TWIST2: variants seen among roughly 807,000 people sequenced by gnomAD.
TWIST2 encodes twist-related protein 2.
A neutral mutation model predicts 11.6 loss-of-function variants in TWIST2; 1 was observed. The ratio of observed to expected loss-of-function variants is 0.09; its 90% CI spans 0.03 to 0.41. The LOEUF is 0.41. Among genes scored for constraint, TWIST2 ranks in the 10% least tolerant of loss-of-function variants. TWIST2 has a pLI of 0.98. For missense variants in TWIST2, 168 were observed against 226.4 expected, an observed-to-expected ratio of 0.74 and a Z score of 1.66; for synonymous variants, 87 against 96.6, an observed-to-expected ratio of 0.90 and a Z score of 0.58.
At chr2:238,898,322 TC>T (rs1693229169) in intron 1 of TWIST2, among the ~76,000 whole-genome samples, 1 of 152,214 alleles carries the variant, frequency 6.6e-6, no homozygotes, top group African/African-American at 2.4e-5. Flanking sequence ...TTCAGCCTCA[TC>T]TTTCTGCCCA....
At chr2:238,908,859 GGA>G (rs1693401524) in intron 1 of TWIST2, among the ~76,000 whole-genome samples, 2 of 2,568 alleles carry the variant, frequency 7.8e-4, no homozygotes, top group African/African-American at 2.4e-3. Context: ...TTTGTGTGTG[GGA>G]GGGTGTGGTG....
Position 238,863,277 on chromosome 2 carries a change from A to G in TWIST2, c.*35+14544A>G, listed in dbSNP as rs926200932. 2.6e-5 allele frequency among the ~76,000 whole-genome samples: 4 copies of G among 152,152 alleles called. No individual in the cohort carries two copies. Among genetic ancestry groups the G allele is most frequent in the Non-Finnish European group, 4.4e-5 (3 of 68,032 alleles). ...ACCGCAACCCCCACTCGGTGTTAGG[A>G]CTTAGGTACTTGCTGAAGTAATACA... On this transcript the variant is annotated intron_variant, in intron 1 of 1. Transcript: ENST00000612363. The surrounding 1 kb of genome is among the most constrained non-coding windows in gnomAD (Gnocchi z 4.7).
chr2:238,870,468 GAC>G (rs752429938), intron 1 of TWIST2, among the ~76,000 whole-genome samples: 1 of 3,964 alleles, frequency 2.5e-4, no homozygotes, highest in Non-Finnish European at 5.1e-4. Flanking sequence ...CCACACACCC[GAC>G]ACACGCCACA....
At chr2:238,890,471 C>T (rs944287525) in intron 1 of TWIST2, among the ~76,000 whole-genome samples, 4 of 152,222 alleles carry the variant, frequency 2.6e-5, no homozygotes, top group Admixed American at 2.6e-4. Context: ...GCCACACGAT[C>T]CAGGTGATCC....
chr2:238,905,850 TGTGTGC>T (rs1227006502), intron 1 of TWIST2, among the ~76,000 whole-genome samples: 9 of 43,434 alleles, frequency 2.1e-4, no homozygotes, highest in African/African-American at 1.3e-3. Context: ...AGTGTGTGTG[TGTGTGC>T]GTGTGTGTGC....
chr2:238,906,621 C>T (rs930466991), intron 1 of TWIST2, among the ~76,000 whole-genome samples: 5 of 152,048 alleles, frequency 3.3e-5, no homozygotes, highest in Non-Finnish European at 7.4e-5. Context: ...TTCTTTCATA[C>T]TCACACTCAC....
At chr2:238,870,430 CCTACACACA>C (rs1251018462) in intron 1 of TWIST2, among the ~76,000 whole-genome samples, 1 of 100,296 alleles carries the variant, frequency 1.0e-5, no homozygotes, top group Non-Finnish European at 2.1e-5. Context: ...AACCACACAC[CCTACACACA>C]CCACACACCC....
intron 1 of TWIST2, among the ~76,000 whole-genome samples, chr2:238,852,955 C>G (rs1028900355): frequency 6.6e-6 from 1 of 152,136 alleles, no homozygotes; most frequent in Non-Finnish European, 1.5e-5. Flanking sequence ...TAAGATTTAT[C>G]TCAGAGTAAT....
intron 1 of TWIST2, among the ~76,000 whole-genome samples, chr2:238,859,474 G>T (rs1241355774): frequency 6.6e-6 from 1 of 151,920 alleles, no homozygotes; most frequent in Non-Finnish European, 1.5e-5. Flanking sequence ...GAACTAGGTA[G>T]TGATGATGCC....
chr2:238,860,410 G>T (rs1236551368), intron 1 of TWIST2, among the ~76,000 whole-genome samples: 1 of 152,180 alleles, frequency 6.6e-6, no homozygotes, highest in African/African-American at 2.4e-5. Context: ...AAGAGGGATG[G>T]GCCAGAGAGC....
At chr2:238,890,168 G>A (rs80150390) in intron 1 of TWIST2, among the ~76,000 whole-genome samples, 1,404 of 88,452 alleles carry the variant, frequency 0.016, 14 homozygotes, top group African/African-American at 0.065. Flanking sequence ...TCTGCACGTG[G>A]TCAGGGAGGT....
chr2:238,874,469 C>A (rs925866985), intron 1 of TWIST2, among the ~76,000 whole-genome samples: 2 of 152,070 alleles, frequency 1.3e-5, no homozygotes, highest in Admixed American at 1.3e-4. Flanking sequence ...GCCCAGGAGA[C>A]GTTGTGTTAT....
At chr2:238,851,416 G>A (rs928290591) in intron 1 of TWIST2, among the ~76,000 whole-genome samples, 7 of 152,122 alleles carry the variant, frequency 4.6e-5, no homozygotes, top group Non-Finnish European at 1.0e-4. Flanking sequence ...CTGAGTCTTC[G>A]GAGCAGGGTC....
chr2:238,870,133 CACCACACCCCAT>C (rs1692623912), intron 1 of TWIST2, among the ~76,000 whole-genome samples: 1 of 115,764 alleles, frequency 8.6e-6, no homozygotes, highest in African/African-American at 3.1e-5. Flanking sequence ...CCCACACACA[CACCACACCCCAT>C]ACACACCACA....
At chr2:238,869,565 T>C (rs918592527) in intron 1 of TWIST2, among the ~76,000 whole-genome samples, 1 of 152,156 alleles carries the variant, frequency 6.6e-6, no homozygotes, top group African/African-American at 2.4e-5. Context: ...TCTACAAAGA[T>C]GATATACAAA....
chr2:238,908,728 GGGTA>G (rs1199754564), intron 1 of TWIST2, among the ~76,000 whole-genome samples: 19 of 151,872 alleles, frequency 1.3e-4, no homozygotes, highest in Non-Finnish European at 2.1e-4. Context: ...GTGTGTGTGT[GGGTA>G]TGTGGGGATG....
In TWIST2 at chr2:238,905,876, T is replaced by C. The variant is rs1197283127; in HGVS notation, c.*36-3966T>C. Among the ~76,000 whole-genome samples the C allele has an allele frequency of 4.8e-5, 7 of 146,736 alleles. No individual in the cohort carries two copies. In the East Asian group the frequency reaches 5.9e-4, roughly 12 times the overall value. On this transcript the variant is annotated intron_variant, in intron 1 of 1. Coordinates refer to ENST00000612363, the MANE Select transcript of TWIST2 (RefSeq NM_001271893.4). ...GTGTGCGTGTGTGTGCGTGCGTGTGTGTGCATGTGCGCGCATGCGCGTGTG... is the reference window on the plus strand; with the variant it reads ...GTGTGCGTGTGTGTGCGTGCGTGTGCGTGCATGTGCGCGCATGCGCGTGTG...
chr2:238,897,152 A>G, intron 1 of TWIST2, among the ~76,000 whole-genome samples: 1 of 151,890 alleles, frequency 6.6e-6, no homozygotes, highest in East Asian at 1.9e-4. Context: ...AAATCCTCCA[A>G]CGCCCCCTTT....
chr2:238,896,055 G>A (rs1408001700), intron 1 of TWIST2, among the ~76,000 whole-genome samples: 3 of 152,174 alleles, frequency 2.0e-5, no homozygotes, highest in Non-Finnish European at 2.9e-5. Flanking sequence ...GAGCCCCGGC[G>A]TTGTAAATAT....
Sources: gnomAD v4.1 joint callset for allele counts (sites outside exome capture counted in the v4.1 genomes callset) on GRCh38, gnomAD v4.1.1 for gene constraint, Gnocchi (gnomAD v3.1) non-coding constraint, MANE v1.5 for transcripts, NCBI Gene and HGNC (gene_info 2026-07-23, HGNC 2026-07-21) for gene names.